Variants in CASK observed in about 807,000 individuals in gnomAD.
The protein encoded by CASK is calcium/calmodulin dependent serine protein kinase.
CASK carries 4 observed loss-of-function variants against 82.9 expected under a neutral mutation model. The ratio of observed to expected loss-of-function variants is 0.05; its 90% confidence interval spans 0.02 to 0.11. The LOEUF (loss-of-function observed/expected upper bound fraction) is 0.11. Among genes scored for constraint, CASK ranks in the 10% least tolerant of loss-of-function variants. The pLI is 1.00. For missense variants in CASK, 358 were observed against 720.9 expected (o/e 0.50, Z 5.76); for synonymous variants, 259 against 253.5 (o/e 1.02, Z -0.20).
intron 25 of CASK, among the ~76,000 whole-genome samples, chrX:41,525,561 C>T (rs1278274831): frequency 6.3e-5 from 7 of 111,545 alleles, no homozygotes; most frequent in Non-Finnish European, 1.1e-4. Flanking sequence ...ACCCCAGGGA[C>T]TAGCGGGTAC....
intron 1 of CASK, among the ~76,000 whole-genome samples, chrX:41,897,906 A>T (rs1160153881): frequency 1.8e-5 from 2 of 111,585 alleles, no homozygotes; most frequent in African/African-American, 3.2e-5. Flanking sequence ...TCCATCAGGA[A>T]TTTTTTTCTT....
chrX:41,736,506 CAAACA>C (rs1223633782), intron 5 of CASK, among the ~76,000 whole-genome samples: 1 of 111,437 alleles, frequency 9.0e-6, no homozygotes, highest in Non-Finnish European at 1.9e-5. Flanking sequence ...TATCAAAAAA[CAAACA>C]AAACAAAACA....
chrX:41,846,956 G>C (rs1322592860), intron 2 of CASK, among the ~76,000 whole-genome samples: 1 of 110,981 alleles, frequency 9.0e-6, no homozygotes, highest in Non-Finnish European at 1.9e-5. Flanking sequence ...TTGCCTTTCA[G>C]TATCCTTGGT....
chrX:41,690,801 G>C (rs1225965492), intron 5 of CASK, among the ~76,000 whole-genome samples: 1 of 108,120 alleles, frequency 9.2e-6, no homozygotes, highest in Admixed American at 1.0e-4. Flanking sequence ...AGCCTCTCGA[G>C]TAGCTGGGAC....
intron 1 of CASK, among the ~76,000 whole-genome samples, chrX:41,853,778 C>G (rs2071310882): frequency 8.9e-6 from 1 of 111,942 alleles, no homozygotes; most frequent in Admixed American, 9.5e-5. Context: ...TTGTTTCTCC[C>G]ATTCATTCTT....
chrX:41,526,537 T>C (rs1017950057), intron 25 of CASK, among the ~76,000 whole-genome samples: 6 of 112,283 alleles, frequency 5.3e-5, no homozygotes, highest in African/African-American at 1.6e-4. Context: ...TTCCTGCAGA[T>C]TGCCCATCTC....
intron 12 of CASK, among the ~76,000 whole-genome samples, chrX:41,594,788 G>A (rs1569327896): frequency 8.9e-6 from 1 of 111,774 alleles, no homozygotes; most frequent in East Asian, 2.8e-4. Flanking sequence ...GGACGAGAAC[G>A]TTTCTGAGAC....
intron 2 of CASK, among the ~76,000 whole-genome samples, chrX:41,815,640 A>C (rs182230176): frequency 9.9e-5 from 11 of 111,561 alleles, no homozygotes; most frequent in Non-Finnish European, 2.1e-4. Context: ...GGGACAATAT[A>C]AAGGGGTCTA....
intron 8 of CASK, among the ~76,000 whole-genome samples, chrX:41,638,744 C>T (rs931292064): frequency 8.1e-5 from 9 of 110,756 alleles, no homozygotes; most frequent in Non-Finnish European, 1.5e-4. Context: ...AGGAGAATAG[C>T]GGGTCAGATC....
At chrX:41,626,549 A>G in intron 10 of CASK, 55 bp downstream of exon 10, 1 of 722,102 alleles carries the variant, frequency 1.4e-6, no homozygotes, top group South Asian at 2.2e-5. Flanking sequence ...ATGGGAGAGA[A>G]TGGATGTAAA....
At chrX:41,649,148 C>CTTCT (rs1194502076) in intron 8 of CASK, among the ~76,000 whole-genome samples, 4 of 110,354 alleles carry the variant, frequency 3.6e-5, no homozygotes, top group African/African-American at 1.3e-4. Context: ...TCTCTCTTTT[C>CTTCT]TTATTAGTCT....
At chrX:41,817,647 AT>A (rs1185939571) in intron 2 of CASK, among the ~76,000 whole-genome samples, 35 of 111,178 alleles carry the variant, frequency 3.1e-4, no homozygotes, top group African/African-American at 1.1e-3. Context: ...AGCATTCTGA[AT>A]TTTTGGACTA....
intron 21 of CASK, among the ~76,000 whole-genome samples, chrX:41,548,871 T>G (rs1211232025): frequency 8.9e-6 from 1 of 112,141 alleles, no homozygotes; most frequent in Non-Finnish European, 1.9e-5. Context: ...CATAGTCTCA[T>G]GTGGTGTGAT....
chrX:41,571,515 C>A (rs1419384615), intron 15 of CASK, among the ~76,000 whole-genome samples: 2 of 111,517 alleles, frequency 1.8e-5, no homozygotes, highest in Non-Finnish European at 3.8e-5. Context: ...TTCTCTCATG[C>A]CTGATGTTGG....
intron 2 of CASK, among the ~76,000 whole-genome samples, chrX:41,840,394 A>G (rs1278292655): frequency 8.9e-6 from 1 of 112,289 alleles, no homozygotes; most frequent in African/African-American, 3.2e-5. Context: ...CTGGCATGTA[A>G]GAAAGCGATA....
Position 41,629,688 on chromosome X carries a change from G to A in CASK, c.916-2985C>T, listed in dbSNP as rs887400302. On this transcript the variant is annotated intron_variant, in intron 9 of 26. Coordinates refer to ENST00000378163, the MANE Select transcript of CASK (RefSeq NM_001367721.1). ...GTTCTACCACTGTAGTGTGAAAGCA[G>A]CCATGGACAATATGCAAATTAATGT... is the stretch of plus-strand genomic sequence containing the variant. Among the ~76,000 whole-genome samples the A allele has an allele frequency of 1.8e-4, 20 of 111,722 alleles. No individual in the cohort carries two copies. The East Asian group carries it at 4.5e-3, about 25-fold the overall frequency.
At chrX:41,859,819 T>C (rs2071443018) in intron 1 of CASK, among the ~76,000 whole-genome samples, 1 of 111,355 alleles carries the variant, frequency 9.0e-6, no homozygotes, top group African/African-American at 3.3e-5. Flanking sequence ...AGGTTATGTA[T>C]TGATCGGTTG....
At chrX:41,900,487 C>T (rs548584787) in intron 1 of CASK, among the ~76,000 whole-genome samples, 8 of 110,056 alleles carry the variant, frequency 7.3e-5, no homozygotes, top group African/African-American at 2.6e-4. Flanking sequence ...TTCAAATGAC[C>T]ATCTTTGAGC....
chrX:41,533,171 T>C (rs1321920389), intron 24 of CASK, among the ~76,000 whole-genome samples: 2 of 112,016 alleles, frequency 1.8e-5, no homozygotes, highest in Non-Finnish European at 3.8e-5. Flanking sequence ...GTTAGATATA[T>C]GTTATATACA....
Sources: allele counts gnomAD v4.1 joint callset (sites outside exome capture counted in the v4.1 genomes callset), GRCh38; gene constraint gnomAD v4.1.1; transcripts MANE v1.5; gene names NCBI Gene and HGNC (gene_info 2026-07-23, HGNC 2026-07-21).